The following CUL9 variants were observed in gnomAD, a reference collection of about 807,000 sequenced individuals.
The protein encoded by CUL9 is cullin 9.
Under a neutral mutation model 272.6 loss-of-function variants are expected in CUL9, and 79 were observed. That is an observed-to-expected ratio of 0.29 (90% CI 0.24 to 0.35). CUL9 has a LOEUF of 0.35. Ranked by LOEUF, CUL9 falls within the 10% of genes least tolerant of loss-of-function variation. CUL9 has a pLI of 1.00. For missense variants in CUL9, 2,532 were observed against 3,255.6 expected (o/e 0.78, Z 5.41); for synonymous variants, 1,186 against 1,286.5 (o/e 0.92, Z 1.67).
chr6:43,185,019 A>G (rs947075755), intron 2 of CUL9, 114 bp downstream of exon 2: 49 of 827,570 alleles, frequency 5.9e-5, no homozygotes, highest in Non-Finnish European at 7.9e-5. Flanking sequence ...GTGAATATCA[A>G]TTTGATGCAA....
At chr6:43,196,925 A>G in intron 11 of CUL9, 63 bp downstream of exon 11, 1 of 1,335,102 alleles carries the variant, frequency 7.5e-7, no homozygotes, top group South Asian at 1.2e-5. Flanking sequence ...TTTACATATC[A>G]GCTCCTTACT....
Position 43,213,715 on chromosome 6 carries a change from G to A in CUL9, c.5491G>A (p.Val1831Met), listed in dbSNP as rs536786310. The A allele has an allele frequency of 2.5e-6, 4 of 1,612,686 alleles. No homozygotes were observed. Among genetic ancestry groups the A allele is most frequent in the East Asian group, 2.2e-5 (1 of 44,874 alleles). The change falls in exon 29 of 41, where the codon GTG (valine) becomes ATG (methionine). Residue 1831 changes from valine (V) to methionine (M), a missense_variant and splice_region_variant. Val to Met is a conservative substitution (Grantham distance 21). Coordinates refer to ENST00000252050, the MANE Select transcript of CUL9 (RefSeq NM_015089.4). This position sits in a 1 kb window ranked among gnomAD's most constrained non-coding sequence, Gnocchi z 5.7. ...ACCTGACCGGGAGCGGGTTCCAGGTGTGCTGCGGCTTCATGAGCCTGGGCC... is the reference window on the plus strand; with the variant it reads ...ACCTGACCGGGAGCGGGTTCCAGGTATGCTGCGGCTTCATGAGCCTGGGCC... ...HEGQDFPHGGVLRLHEPGPQR... is the reference protein window; with the variant it reads ...HEGQDFPHGGMLRLHEPGPQR...
At chr6:43,191,481 A>ATTTTTTTTTTTTTTTTTTTTTTTTT (rs34090146) in intron 8 of CUL9, among the ~76,000 whole-genome samples, 92 of 97,406 alleles carry the variant, frequency 9.4e-4, no homozygotes, top group Admixed American at 1.3e-3. Flanking sequence ...CACCCAGCTA[A>ATTTTTTTTTTTTTTTTTTTTTTTTT]TTTTTTTTTT....
chr6:43,213,356 C>T lies in CUL9; in HGVS notation c.5358+62C>T. On this transcript the variant is annotated intron_variant, in intron 27 of 40. Transcript: ENST00000252050. This position sits in a 1 kb window ranked among gnomAD's most constrained non-coding sequence, Gnocchi z 5.7. The stretch of plus-strand genomic sequence containing the variant: ...TACCTTATCTGTCGCTGTTCTCCTC[C>T]TAAACCCTGTTCCTCCTTCATCCTT... 1 of 1,610,696 alleles carries T rather than the reference C, an allele frequency of 6.2e-7. No homozygotes were observed. Among genetic ancestry groups the T allele is most frequent in the Non-Finnish European group, 8.5e-7 (1 of 1,177,574 alleles).
rs530473844 is a variant in CUL9 at position 43,185,344 on chromosome 6, G to C, written c.596-112G>C. The C allele has an allele frequency of 1.8e-5, 19 of 1,042,776 alleles. No homozygotes were observed. In the South Asian group the frequency reaches 2.8e-4, roughly 15 times the overall value. 64.6% of individuals were successfully genotyped at this position (1,042,776 alleles called of 1,614,324 possible). ...CCATGTAAAATGTATTTCTTTCTGT[G>C]AGCCTTAGTAACAAAGTTTGAAAGC... On this transcript the variant is annotated intron_variant, in intron 2 of 40. Transcript: ENST00000252050.
intron 1 of CUL9, among the ~76,000 whole-genome samples, chr6:43,183,017 A>G (rs975257590): frequency 6.6e-6 from 1 of 152,216 alleles, no homozygotes; most frequent in Non-Finnish European, 1.5e-5. Context: ...CTTTACATAC[A>G]TGATCCTACT....
chr6:43,183,487 C>T (rs1772611581), intron 1 of CUL9, among the ~76,000 whole-genome samples: 1 of 152,110 alleles, frequency 6.6e-6, no homozygotes, highest in South Asian at 2.1e-4. Context: ...CCTGTCCTGC[C>T]CCTCCGCTAT....
At position 43,221,074 on chromosome 6, in the gene CUL9, G is replaced by C; in HGVS notation, c.6589-84G>C. The C allele has an allele frequency of 6.6e-7, 1 of 1,522,456 alleles. No homozygotes were observed. Among genetic ancestry groups the C allele is most frequent in the Non-Finnish European group, 8.8e-7 (1 of 1,130,016 alleles). 94.3% of individuals were successfully genotyped at this position (1,522,456 alleles called of 1,614,324 possible). A position where few individuals can be genotyped will look rare whatever the true frequency, so the allele number is the denominator to read the frequency against. ...TCCTGGAGCCCTCCAAATGTGATCT[G>C]TGCCTGCTCCCCTCTCTCCTGTGCA... On this transcript the variant is annotated intron_variant, in intron 33 of 40. Transcript: ENST00000252050. This position sits in a 1 kb window ranked among gnomAD's most constrained non-coding sequence, Gnocchi z 4.2.
Position 43,203,324 on chromosome 6 carries a change from C to G in CUL9, c.3850-93C>G. 6.3e-7 allele frequency: 1 copy of G among 1,594,490 alleles called. No individual in the cohort carries two copies. The highest frequency in any genetic ancestry group is 2.2e-5 in the East Asian group (1 of 44,714). ...CCCAGAGATGTGGGGATGTCCTGAG[C>G]AGTTCTAGGGAGCTCAGGGCAGGAG... On this transcript the variant is annotated intron_variant, in intron 18 of 40. Coordinates refer to ENST00000252050, the MANE Select transcript of CUL9 (RefSeq NM_015089.4). The surrounding 1 kb of genome is among the most constrained non-coding windows in gnomAD (Gnocchi z 5.0).
rs1236862877 is a variant in CUL9 at position 43,187,900 on chromosome 6, G to T, written c.1769G>T (p.Cys590Phe). Reference sequence around the variant, plus strand: ...TCGTCTACTTCACGAAATCACTCCTGTACCCCAGATCCAGAAGAGGAGTCC... The same window carrying T: ...TCGTCTACTTCACGAAATCACTCCTTTACCCCAGATCCAGAAGAGGAGTCC... The part of the protein sequence containing the change: ...SSSSTSRNHS[C>F]TPDPEEESKS... The change falls in exon 7 of 41, where the codon TGT (cysteine) becomes TTT (phenylalanine). Residue 590 changes from cysteine (C) to phenylalanine (F), a missense_variant. Physicochemically the swap from Cys to Phe is radical, Grantham distance 205 (BLOSUM62 -2). Coordinates refer to ENST00000252050, the MANE Select transcript of CUL9 (RefSeq NM_015089.4). The T allele has an allele frequency of 6.2e-7, 1 of 1,614,072 alleles. No individual in the cohort carries two copies. The highest frequency in any genetic ancestry group is 8.5e-7 in the Non-Finnish European group (1 of 1,180,014).
chr6:43,189,306 C>T (rs1037130910), intron 8 of CUL9, among the ~76,000 whole-genome samples: 1 of 152,064 alleles, frequency 6.6e-6, no homozygotes, highest in African/African-American at 2.4e-5. Flanking sequence ...TCTCCCGCCT[C>T]AGCCTCCCAA....
intron 20 of CUL9, 154 bp from the exon 21 acceptor site, chr6:43,204,204 CCT>C (rs1486218242): frequency 1.8e-6 from 2 of 1,082,258 alleles, no homozygotes; most frequent in Non-Finnish European, 2.6e-6. Context: ...TAACATTTCC[CCT>C]GACTCCAGCT....
chr6:43,222,292 G>A (rs920717235), intron 35 of CUL9, 24 bp from the exon 36 acceptor site: 6 of 1,608,090 alleles, frequency 3.7e-6, no homozygotes, highest in Admixed American at 1.7e-5. Context: ...ACACCCAATA[G>A]CCCTCCCAAC....
Position 43,220,402 on chromosome 6 carries a change from TC to T in CUL9, c.6283-52del. ...GACGCTAGCTTAGTTACCAGGACAC[TC>T]CCCCTGTGCTGCTCCCACACTGTCT... On this transcript the variant is annotated intron_variant, in intron 31 of 40. Coordinates refer to ENST00000252050, the MANE Select transcript of CUL9 (RefSeq NM_015089.4). The surrounding 1 kb of genome is among the most constrained non-coding windows in gnomAD (Gnocchi z 4.9). 1.3e-6 allele frequency: 2 copies of T among 1,590,186 alleles called. No homozygotes were observed. The highest frequency in any genetic ancestry group is 2.2e-5 in the East Asian group (1 of 44,538).
At chr6:43,191,101 AATATTTTCCT>A (rs1285865967) in intron 8 of CUL9, among the ~76,000 whole-genome samples, 4 of 151,974 alleles carry the variant, frequency 2.6e-5, no homozygotes, top group African/African-American at 9.7e-5. Context: ...GAATTATAAA[AATATTTTCCT>A]ATATTTTCCA....
In CUL9 at chr6:43,187,458, A is replaced by G; in HGVS notation, c.1581+19A>G. ...GGATGAGGTATTATAGGTCTGAGAT[A>G]CCTGGGGGTTTTCTAGTAGGGTTAG... On this transcript the variant is annotated intron_variant, in intron 6 of 40. Transcript: ENST00000252050. 1.2e-6 allele frequency: 2 copies of G among 1,611,610 alleles called. No individual in the cohort carries two copies. Among genetic ancestry groups the G allele is most frequent in the Non-Finnish European group, 1.7e-6 (2 of 1,178,392 alleles).
Position 43,213,086 on chromosome 6 carries a change from A to C in CUL9, c.5213-63A>C. The C allele has an allele frequency of 1.3e-6, 2 of 1,574,314 alleles. No homozygotes were observed. Among genetic ancestry groups the C allele is most frequent in the African/African-American group, 1.3e-5 (1 of 74,232 alleles). ...TAGTAGGAGCAAAGCTTGACACCTCAACCCCTAAACCCCTTGTTTCGCCCA... is the reference window on the plus strand; with the variant it reads ...TAGTAGGAGCAAAGCTTGACACCTCCACCCCTAAACCCCTTGTTTCGCCCA... On this transcript the variant is annotated intron_variant, in intron 26 of 40. Transcript: ENST00000252050. This position sits in a 1 kb window ranked among gnomAD's most constrained non-coding sequence, Gnocchi z 5.7.
chr6:43,203,516 T>C lies in CUL9; in HGVS notation c.3949T>C (p.Phe1317Leu). 1 of 1,614,156 alleles carries C rather than the reference T, an allele frequency of 6.2e-7. No homozygotes were observed. Among genetic ancestry groups the C allele is most frequent in the Non-Finnish European group, 8.5e-7 (1 of 1,180,034 alleles). The change falls in exon 19 of 41, where the codon TTC (phenylalanine) becomes CTC (leucine). Residue 1317 changes from phenylalanine to leucine, a missense_variant. Phe to Leu is a conservative substitution (Grantham distance 22). Coordinates refer to ENST00000252050, the MANE Select transcript of CUL9 (RefSeq NM_015089.4). This position sits in a 1 kb window ranked among gnomAD's most constrained non-coding sequence, Gnocchi z 5.0. ...REQLCRRTCL[F>L]YTIRAQAWSR... ...GCAGCTGTGTCGCCGAACATGTCTC[T>C]TCTACACAATTCGGGCACAAGCCTG...
In CUL9 at chr6:43,223,154, A is replaced by C; in HGVS notation, c.7151-110A>C. 2 of 1,411,204 alleles carry C rather than the reference A, an allele frequency of 1.4e-6. No homozygotes were observed. Among genetic ancestry groups the C allele is most frequent in the Non-Finnish European group, 1.9e-6 (2 of 1,054,104 alleles). The allele number at this position is 1,411,204 out of a possible 1,614,324, so 87.4% of individuals were successfully genotyped here. Reference sequence around the variant, plus strand: ...TGCTCCCCTAGGGAGCTTCATGAGAATGTCTAGAGCTGCACCTGGTGCTTG... The same window carrying C: ...TGCTCCCCTAGGGAGCTTCATGAGACTGTCTAGAGCTGCACCTGGTGCTTG... On this transcript the variant is annotated intron_variant, in intron 38 of 40. Transcript: ENST00000252050. The surrounding 1 kb of genome is among the most constrained non-coding windows in gnomAD (Gnocchi z 4.1).
Sources: gnomAD v4.1 joint callset for allele counts (sites outside exome capture counted in the v4.1 genomes callset) on GRCh38, gnomAD v4.1.1 for gene constraint, Gnocchi (gnomAD v3.1) non-coding constraint, MANE v1.5 for transcripts, NCBI Gene and HGNC (gene_info 2026-07-23, HGNC 2026-07-21) for gene names.